TENM2: variants seen among roughly 807,000 people sequenced by gnomAD.
TENM2 encodes teneurin-2.
A neutral mutation model predicts 245.2 loss-of-function variants in TENM2; 52 were observed. The observed-to-expected ratio is 0.21, with a 90% confidence interval of 0.17 to 0.27. TENM2 has a LOEUF of 0.27. TENM2 is among the 10% of genes least tolerant of loss of function. The pLI is 1.00. For synonymous variants in TENM2, 1,363 were observed against 1,438.9 expected, an observed-to-expected ratio of 0.95 and a Z score of 1.19; for missense variants, 3,046 against 3,666.8, an observed-to-expected ratio of 0.83 and a Z score of 4.37.
chr5:167,822,607 A>G (rs1421418357), intron 2 of TENM2, among the ~76,000 whole-genome samples: 1 of 152,224 alleles, frequency 6.6e-6, no homozygotes, highest in Non-Finnish European at 1.5e-5. Context: ...GTTTCAGAAT[A>G]TATGTTCTTT....
intron 2 of TENM2, among the ~76,000 whole-genome samples, chr5:167,478,882 G>C (rs1036222965): frequency 6.6e-6 from 1 of 152,022 alleles, no homozygotes; most frequent in Non-Finnish European, 1.5e-5. Context: ...TGTTCATTGA[G>C]CACCTGCTAT....
chr5:167,911,957 G>C (rs1295297117), intron 3 of TENM2, among the ~76,000 whole-genome samples: 1 of 152,112 alleles, frequency 6.6e-6, no homozygotes, highest in Non-Finnish European at 1.5e-5. Flanking sequence ...TTATGGAATA[G>C]CTAAATCAAA....
At chr5:168,132,354 CTCA>C (rs755869307) in intron 12 of TENM2, among the ~76,000 whole-genome samples, 3 of 152,170 alleles carry the variant, frequency 2.0e-5, no homozygotes, top group Admixed American at 1.3e-4. Context: ...AACTTTATGA[CTCA>C]TCATTCTGTA....
At chr5:167,745,518 A>G (rs758455114) in intron 2 of TENM2, among the ~76,000 whole-genome samples, 1 of 152,236 alleles carries the variant, frequency 6.6e-6, no homozygotes, top group Non-Finnish European at 1.5e-5. Flanking sequence ...AGCTTTTTGA[A>G]GTATAATTCA....
the TENM2 span, among the ~76,000 whole-genome samples, chr5:167,176,721 C>T: frequency 6.6e-6 from 1 of 152,154 alleles, no homozygotes; most frequent in South Asian, 2.1e-4. Flanking sequence ...TACTCTTGCT[C>T]ATAATTGTAT....
intron 5 of TENM2, among the ~76,000 whole-genome samples, chr5:168,045,525 A>G (rs1225513632): frequency 1.3e-5 from 2 of 152,096 alleles, no homozygotes; most frequent in African/African-American, 4.8e-5. Context: ...GATGTTGGGG[A>G]GGTTGTCATC....
intron 7 of TENM2, among the ~76,000 whole-genome samples, chr5:168,084,382 G>T (rs970497259): frequency 4.6e-5 from 7 of 152,182 alleles, no homozygotes; most frequent in African/African-American, 1.7e-4. Flanking sequence ...TCAACAGTGT[G>T]TAAGTGTTCA....
chr5:167,786,268 G>T (rs1644341812), intron 2 of TENM2, among the ~76,000 whole-genome samples: 1 of 152,152 alleles, frequency 6.6e-6, no homozygotes, highest in Non-Finnish European at 1.5e-5. Context: ...CTGAACTCCA[G>T]CTGGCTTTGG....
intron 2 of TENM2, among the ~76,000 whole-genome samples, chr5:167,857,663 A>G (rs1163385981): frequency 1.3e-5 from 2 of 152,140 alleles, no homozygotes; most frequent in African/African-American, 2.4e-5. Context: ...CAAAGACCAT[A>G]GTTTGGAAGA....
the TENM2 span, among the ~76,000 whole-genome samples, chr5:166,985,715 G>C: frequency 6.6e-6 from 1 of 152,090 alleles, no homozygotes; most frequent in Non-Finnish European, 1.5e-5. Context: ...GAGGGCTGTG[G>C]ATGAGTGTGG....
chr5:168,002,616 C>T (rs1484674354), intron 5 of TENM2, among the ~76,000 whole-genome samples: 1 of 152,158 alleles, frequency 6.6e-6, no homozygotes, highest in African/African-American at 2.4e-5. Context: ...GGGACATTAG[C>T]TAAATTTGGA....
At chr5:168,186,915 G>T (rs541198200) in intron 13 of TENM2, 3 of 152,156 alleles carry the variant, frequency 2.0e-5, no homozygotes, top group African/African-American at 7.2e-5. Flanking sequence ...ATAAAGACGC[G>T]ATTCTCATGA....
intron 12 of TENM2, among the ~76,000 whole-genome samples, chr5:168,135,590 G>T (rs978683084): frequency 6.6e-6 from 1 of 152,026 alleles, no homozygotes; most frequent in African/African-American, 2.4e-5. Flanking sequence ...CCATTAATGG[G>T]TAATAAAGAA....
intron 2 of TENM2, among the ~76,000 whole-genome samples, chr5:167,421,590 G>T (rs184324394): frequency 6.6e-6 from 1 of 152,096 alleles, no homozygotes; most frequent in East Asian, 1.9e-4. Context: ...GAGTGTGGAC[G>T]TTGGCGACTA....
intron 13 of TENM2, chr5:168,185,969 AATT>A (rs1760386431): frequency 2.9e-4 from 1 of 3,440 alleles, no homozygotes; most frequent in Non-Finnish European, 5.3e-4. Flanking sequence ...TATATATTTG[AATT>A]TATATATATA....
At chr5:168,230,757 A>C (rs1180401785) in intron 25 of TENM2, 1 of 152,220 alleles carries the variant, frequency 6.6e-6, no homozygotes. Context: ...CCACGGAACA[A>C]GGAGACTCTA....
intron 14 of TENM2, among the ~76,000 whole-genome samples, chr5:168,193,998 G>A (rs947504730): frequency 1.3e-5 from 2 of 152,150 alleles, no homozygotes; most frequent in Non-Finnish European, 2.9e-5. Context: ...TGAACAGCTG[G>A]GGGTATTGCT....
At position 167,958,435 on chromosome 5, in the gene TENM2, T is replaced by A. The variant is rs143358966; in HGVS notation, c.947+5613T>A. Among the ~76,000 whole-genome samples, 68 of 152,344 alleles carry A rather than the reference T, an allele frequency of 4.5e-4. 1 individual carries two copies. The East Asian group carries it at 0.012, about 26-fold the overall frequency. ...GATGGGTCTTGACTCTTTATCCAATTTGCCAGTCTGTGTCTTTTAATTGGG... is the reference window on the plus strand; with the variant it reads ...GATGGGTCTTGACTCTTTATCCAATATGCCAGTCTGTGTCTTTTAATTGGG... On this transcript the variant is annotated intron_variant, in intron 4 of 28. Transcript: ENST00000518659.
At chr5:167,043,944 C>A in the TENM2 span, among the ~76,000 whole-genome samples, 1 of 151,750 alleles carries the variant, frequency 6.6e-6, no homozygotes, top group African/African-American at 2.4e-5. Context: ...CGCTTGAACC[C>A]AGGAGGTAGA....
Sources: gnomAD v4.1 joint callset for allele counts (sites outside exome capture counted in the v4.1 genomes callset) on GRCh38, gnomAD v4.1.1 for gene constraint, MANE v1.5 for transcripts, NCBI Gene and HGNC (gene_info 2026-07-23, HGNC 2026-07-21) for gene names.